TNKS: variants seen among roughly 807,000 people sequenced by gnomAD.
TNKS encodes the protein tankyrase.
Under a neutral mutation model 135.8 loss-of-function variants are expected in TNKS, and 72 were observed. That is an observed-to-expected ratio of 0.53 (90% CI 0.44 to 0.64). The LOEUF (loss-of-function observed/expected upper bound fraction) is 0.64, where lower values mean the gene tolerates loss of function less well. Among genes scored for constraint, TNKS ranks in the 30% least tolerant of loss-of-function variants. The probability of loss-of-function intolerance (pLI) is 0.00; values close to 1 mark genes in which losing one functional copy is unlikely to be tolerated. For missense variants in TNKS, 1,769 were observed against 1,674.0 expected (o/e 1.06, Z -0.99); for synonymous variants, 849 against 649.3 (o/e 1.31, Z -4.68).
rs866133356 is a variant in TNKS, at chr8:9,657,624, G to A, written c.995-22327G>A. 5.2e-3 allele frequency among the ~76,000 whole-genome samples: 444 copies of A among 85,474 alleles called. 12 individuals carry two copies. Among genetic ancestry groups the A allele is most frequent in the African/African-American group, 0.018 (398 of 22,040 alleles). The allele number at this position is 85,474 out of a possible 152,430, so 56.1% of individuals were successfully genotyped here. ...GGGCTGACCCCCCTACCTCCCTCCT[G>A]GACGGGGCGGCTGGCCGGGTGGGGG... On this transcript the variant is annotated intron_variant, in intron 3 of 26. Coordinates refer to ENST00000310430, the MANE Select transcript of TNKS (RefSeq NM_003747.3).
At chr8:9,699,169 A>G (rs1016719677) in intron 5 of TNKS, among the ~76,000 whole-genome samples, 2 of 152,226 alleles carry the variant, frequency 1.3e-5, no homozygotes, top group African/African-American at 4.8e-5. Flanking sequence ...ATTACGTAGC[A>G]ACATGTGTAT....
chr8:9,772,402 A>C (rs1807962121), intron 26 of TNKS: 1 of 455,532 alleles, frequency 2.2e-6, no homozygotes, highest in Admixed American at 2.4e-5. Flanking sequence ...TCTCTGCAGC[A>C]TTCCAGCCAA....
At chr8:9,642,853 TA>T (rs1800773566) in intron 3 of TNKS, among the ~76,000 whole-genome samples, 2 of 146,264 alleles carry the variant, frequency 1.4e-5, no homozygotes, top group Non-Finnish European at 3.0e-5. Flanking sequence ...GGAGAACTAA[TA>T]TCATAATAAC....
chr8:9,677,466 T>C (rs998484014), intron 3 of TNKS, among the ~76,000 whole-genome samples: 3 of 152,194 alleles, frequency 2.0e-5, no homozygotes, highest in Non-Finnish European at 2.9e-5. Flanking sequence ...ACCACTCTTA[T>C]TGGAGTCATG....
intron 3 of TNKS, chr8:9,658,561 C>T: frequency 6.1e-6 from 2 of 326,022 alleles, no homozygotes; most frequent in Non-Finnish European, 5.5e-6. Flanking sequence ...ACCAGGCCTG[C>T]CCTAAAAGAG....
chr8:9,739,102 T>C (rs1346525459), intron 17 of TNKS, among the ~76,000 whole-genome samples: 2 of 144,058 alleles, frequency 1.4e-5, no homozygotes, highest in African/African-American at 2.6e-5. Context: ...GAAACTACCA[T>C]CAGAGTGAAC....
At chr8:9,580,526 CAG>C in intron 2 of TNKS, 143 bp downstream of exon 2, 1 of 738,734 alleles carries the variant, frequency 1.4e-6, no homozygotes, top group Non-Finnish European at 2.1e-6. Flanking sequence ...AAAAGGTAAA[CAG>C]AGAGATGGTA....
rs1475100908 is a variant in TNKS at position 9,777,512 on chromosome 8, A to G, written c.*776A>G. 1 of 152,254 alleles carries G rather than the reference A, an allele frequency of 6.6e-6. No homozygotes were observed. Among genetic ancestry groups the G allele is most frequent in the Non-Finnish European group, 1.5e-5 (1 of 68,096 alleles). 9.4% of individuals were successfully genotyped at this position (152,254 alleles called of 1,614,324 possible). ...AGAGAAGTCAAAGCCGGTGAAGGCC[A>G]CTTGCTCTTTCCAACACAAGCCTGC... is the stretch of plus-strand genomic sequence containing the variant. On this transcript the variant is annotated 3_prime_UTR_variant, in exon 27 of 27. Transcript: ENST00000310430.
Position 9,555,947 on chromosome 8 carries a change from C to G in TNKS, c.8C>G (p.Ala3Gly). ...TGCTAGGGGAGTCCGAAGATGGCGG[C>G]GTCGCGTCGCTCTCAGCATCATCAC... is the stretch of plus-strand genomic sequence containing the variant. Reference protein sequence around the residue: MAASRRSQHHHHH... With the variant: MAGSRRSQHHHHH... Residue 3 changes from alanine (A) to glycine (G), a missense_variant, in exon 1 of 27, where the codon GCG (alanine) becomes GGG (glycine). Coordinates refer to ENST00000310430, the MANE Select transcript of TNKS (RefSeq NM_003747.3). 1 of 1,610,494 alleles carries G rather than the reference C, an allele frequency of 6.2e-7. No individual in the cohort carries two copies. The highest frequency in any genetic ancestry group is 8.5e-7 in the Non-Finnish European group (1 of 1,178,676).
At chr8:9,776,153 T>C (rs1194661119) in intron 26 of TNKS, among the ~76,000 whole-genome samples, 2 of 152,222 alleles carry the variant, frequency 1.3e-5, no homozygotes, top group Non-Finnish European at 2.9e-5. Context: ...TTTTTAAATA[T>C]TGTTCCCAAA....
intron 26 of TNKS, among the ~76,000 whole-genome samples, chr8:9,770,783 GGGAATGCTGTTGGGGGAAGACTGACAAA>G (rs1348871868): frequency 6.6e-6 from 1 of 152,226 alleles, no homozygotes; most frequent in African/African-American, 2.4e-5. Flanking sequence ...GGGCAGGGTA[GGGAATGCTGTTGGGGGAAGACTGACAAA>G]GGAATCCTGA....
chr8:9,580,148 T>G lies in TNKS; in HGVS notation c.674-11T>G. Reference sequence around the variant, plus strand: ...AATATATATACAAGACATTTTTTCGTTTCTTTTTAGGTTTTGGAAGGAAGG... The same window carrying G: ...AATATATATACAAGACATTTTTTCGGTTCTTTTTAGGTTTTGGAAGGAAGG... On this transcript the variant is annotated splice_polypyrimidine_tract_variant and intron_variant, in intron 1 of 26. Coordinates refer to ENST00000310430, the MANE Select transcript of TNKS (RefSeq NM_003747.3). 1 of 1,612,932 alleles carries G rather than the reference T, an allele frequency of 6.2e-7. No individual in the cohort carries two copies. The highest frequency in any genetic ancestry group is 8.5e-7 in the Non-Finnish European group (1 of 1,179,128).
At chr8:9,680,127 A>G (rs1802722867) in intron 4 of TNKS, 140 bp downstream of exon 4, 1 of 578,922 alleles carries the variant, frequency 1.7e-6, no homozygotes. Flanking sequence ...ATCTTTATGT[A>G]CTTTATATCA....
chr8:9,747,463 C>T (rs1806299927), intron 17 of TNKS, among the ~76,000 whole-genome samples: 1 of 152,274 alleles, frequency 6.6e-6, no homozygotes, highest in East Asian at 1.9e-4. Context: ...ATTTCCTCCA[C>T]CCGGCAATCA....
intron 3 of TNKS, among the ~76,000 whole-genome samples, chr8:9,667,652 A>T (rs1408720539): frequency 6.6e-6 from 1 of 152,222 alleles, no homozygotes; most frequent in African/African-American, 2.4e-5. Flanking sequence ...CGTCTCAGAA[A>T]GATGTAGTGA....
chr8:9,710,381 C>G, intron 11 of TNKS, 161 bp downstream of exon 11: 3 of 668,334 alleles, frequency 4.5e-6, no homozygotes, highest in South Asian at 1.9e-5. Flanking sequence ...TGATTTAGAT[C>G]TTGTTTCTAA....
At chr8:9,713,500 A>G in intron 11 of TNKS, among the ~76,000 whole-genome samples, 1 of 152,122 alleles carries the variant, frequency 6.6e-6, no homozygotes, top group East Asian at 1.9e-4. Flanking sequence ...TTTGCCCTTT[A>G]TGTGCACAGT....
intron 25 of TNKS, among the ~76,000 whole-genome samples, chr8:9,767,827 C>A (rs2128838332): frequency 6.6e-6 from 1 of 151,884 alleles, no homozygotes; most frequent in East Asian, 1.9e-4. Context: ...GGCGTGGTGG[C>A]AGGCGCTTGT....
Position 9,555,975 on chromosome 8 carries a change from C to G in TNKS, c.36C>G (p.His12Gln). ...CGCGTCGCTCTCAGCATCATCACCACCATCATCAACAACAGCTCCAGCCCG... is the reference window on the plus strand; with the variant it reads ...CGCGTCGCTCTCAGCATCATCACCAGCATCATCAACAACAGCTCCAGCCCG... ...AASRRSQHHH[H>Q]HHQQQLQPAP... The change falls in exon 1 of 27, where the codon CAC becomes CAG. Residue 12 changes from histidine to glutamine, a missense_variant. Physicochemically the swap from His to Gln is conservative, Grantham distance 24 (BLOSUM62 0). Transcript: ENST00000310430. The G allele has an allele frequency of 1.9e-6, 3 of 1,613,536 alleles. No individual in the cohort carries two copies. The highest frequency in any genetic ancestry group is 2.5e-6 in the Non-Finnish European group (3 of 1,179,876).
Sources: gnomAD v4.1 joint callset for allele counts (sites outside exome capture counted in the v4.1 genomes callset) on GRCh38, gnomAD v4.1.1 for gene constraint, MANE v1.5 for transcripts, NCBI Gene and HGNC (gene_info 2026-07-23, HGNC 2026-07-21) for gene names.